ENOX2: variants seen among roughly 807,000 people sequenced by gnomAD.
The protein encoded by ENOX2 is APK1 antigen.
ENOX2 carries 36 observed loss-of-function variants against 45.0 expected under a neutral mutation model. The observed-to-expected ratio is 0.80, with a 90% CI of 0.61 to 1.06. The LOEUF (loss-of-function observed/expected upper bound fraction) is 1.06. Ranked by LOEUF, ENOX2 falls within the 50% of genes least tolerant of loss-of-function variation. ENOX2 has a pLI of 0.00. For missense variants in ENOX2, 423 were observed against 462.5 expected, an observed-to-expected ratio of 0.91 and a Z score of 0.78; for synonymous variants, 174 against 152.3, an observed-to-expected ratio of 1.14 and a Z score of -1.05.
chrX:130,819,464 G>A (rs765014460), intron 2 of ENOX2, among the ~76,000 whole-genome samples: 25 of 112,006 alleles, frequency 2.2e-4, no homozygotes, highest in Non-Finnish European at 3.9e-4. Context: ...GCAAAGACTT[G>A]GAACCAATCC....
intron 10 of ENOX2, among the ~76,000 whole-genome samples, chrX:130,655,896 C>T (rs890462349): frequency 1.2e-4 from 14 of 112,163 alleles, no homozygotes; most frequent in African/African-American, 4.5e-4. Flanking sequence ...CCTCGGCCTC[C>T]CAAAGTGCTG....
At chrX:130,659,773 G>A (rs1415330455) in intron 9 of ENOX2, among the ~76,000 whole-genome samples, 1 of 112,289 alleles carries the variant, frequency 8.9e-6, no homozygotes, top group Non-Finnish European at 1.9e-5. Context: ...AAGTTATTGT[G>A]TTTCTCAGAA....
At chrX:130,669,115 G>C (rs1400962717) in intron 7 of ENOX2, among the ~76,000 whole-genome samples, 1 of 112,207 alleles carries the variant, frequency 8.9e-6, no homozygotes, top group East Asian at 2.8e-4. Flanking sequence ...AGGGTTAGCA[G>C]TATCTTGATG....
intron 2 of ENOX2, among the ~76,000 whole-genome samples, chrX:130,837,049 C>CAT (rs1478115327): frequency 1.8e-5 from 2 of 111,749 alleles, no homozygotes; most frequent in African/African-American, 6.5e-5. Flanking sequence ...AGGGAAGAAG[C>CAT]ATATGGCAGG....
At chrX:130,762,755 GGTTT>G (rs1026642288) in intron 3 of ENOX2, among the ~76,000 whole-genome samples, 2 of 111,773 alleles carry the variant, frequency 1.8e-5, no homozygotes, top group African/African-American at 3.3e-5. Context: ...AATTTTTTGA[GGTTT>G]GTTTAATGAC....
chrX:130,820,311 CAT>C lies in ENOX2; in HGVS notation c.-182-36623_-182-36622del, dbSNP rs1402821152. Among the ~76,000 whole-genome samples, 9 of 112,286 alleles carry C rather than the reference CAT, an allele frequency of 8.0e-5. No homozygotes were observed. In the East Asian group the frequency reaches 2.5e-3, roughly 31 times the overall value. ...CTATTATCAAAAAGATGAAAGATAA[CAT>C]GTGTTAGTGAGAATCTGGAGAAAAG... On this transcript the variant is annotated intron_variant, in intron 2 of 14. Coordinates refer to ENST00000394363, the MANE Select transcript of ENOX2 (RefSeq NM_006375.4).
intron 3 of ENOX2, among the ~76,000 whole-genome samples, chrX:130,753,102 T>C (rs1305800597): frequency 1.8e-5 from 2 of 111,528 alleles, no homozygotes; most frequent in Non-Finnish European, 3.8e-5. Flanking sequence ...CCAATTTTAC[T>C]CTCTCTCTTT....
intron 2 of ENOX2, among the ~76,000 whole-genome samples, chrX:130,847,704 C>T (rs1366876623): frequency 8.9e-6 from 1 of 112,323 alleles, no homozygotes; most frequent in African/African-American, 3.2e-5. Context: ...TGCACTCCTA[C>T]GGTGAATGAT....
chrX:130,850,351 T>G (rs1450321256), intron 2 of ENOX2, among the ~76,000 whole-genome samples: 1 of 111,738 alleles, frequency 8.9e-6, no homozygotes, highest in Non-Finnish European at 1.9e-5. Flanking sequence ...AAATAAACAT[T>G]GAATAAATAA....
intron 10 of ENOX2, among the ~76,000 whole-genome samples, chrX:130,653,097 T>A (rs765634881): frequency 8.9e-6 from 1 of 111,948 alleles, no homozygotes; most frequent in Non-Finnish European, 1.9e-5. Flanking sequence ...CTTTTCTTAA[T>A]CATCTGTATC....
At chrX:130,830,158 A>C (rs1385715079) in intron 2 of ENOX2, among the ~76,000 whole-genome samples, 2 of 111,064 alleles carry the variant, frequency 1.8e-5, no homozygotes, top group Admixed American at 1.9e-4. Context: ...ATGTGAGTTG[A>C]ATTCAATTAA....
At chrX:130,633,118 T>C (rs1457300235) in intron 12 of ENOX2, among the ~76,000 whole-genome samples, 1 of 111,949 alleles carries the variant, frequency 8.9e-6, no homozygotes, top group Non-Finnish European at 1.9e-5. Context: ...GCTTATCACC[T>C]TGAATTTTAC....
At chrX:130,694,600 C>CTTTTTTTT (rs1176052103) in intron 4 of ENOX2, among the ~76,000 whole-genome samples, 1 of 86,195 alleles carries the variant, frequency 1.2e-5, no homozygotes, top group Non-Finnish European at 2.3e-5. Flanking sequence ...CTTTTCTTTT[C>CTTTTTTTT]TTTTTTTTTT....
chrX:130,816,933 T>C (rs1812648226), intron 2 of ENOX2, among the ~76,000 whole-genome samples: 1 of 109,636 alleles, frequency 9.1e-6, no homozygotes, highest in Non-Finnish European at 1.9e-5. Context: ...CTGAAGGAGA[T>C]AGAGACACAA....
intron 3 of ENOX2, among the ~76,000 whole-genome samples, chrX:130,766,392 G>A (rs2039618559): frequency 9.0e-6 from 1 of 111,591 alleles, no homozygotes; most frequent in African/African-American, 3.2e-5. Flanking sequence ...TTTTCTCTCA[G>A]TTTGTAACTT....
At chrX:130,704,091 A>G (rs1341821061) in intron 3 of ENOX2, among the ~76,000 whole-genome samples, 1 of 111,988 alleles carries the variant, frequency 8.9e-6, no homozygotes. Flanking sequence ...AAGTTTCGAA[A>G]GGTCAAATAT....
At chrX:130,874,315 G>A (rs2078653835) in intron 2 of ENOX2, among the ~76,000 whole-genome samples, 1 of 112,127 alleles carries the variant, frequency 8.9e-6, no homozygotes, top group Non-Finnish European at 1.9e-5. Flanking sequence ...AGAGTGTGAG[G>A]GAATTAGAAA....
At chrX:130,878,505 A>G in intron 2 of ENOX2, among the ~76,000 whole-genome samples, 1 of 111,180 alleles carries the variant, frequency 9.0e-6, no homozygotes, top group Non-Finnish European at 1.9e-5. Flanking sequence ...TATGCTCTTT[A>G]TTGCTCACTC....
At chrX:130,685,936 T>C (rs2037437557) in intron 5 of ENOX2, among the ~76,000 whole-genome samples, 1 of 111,938 alleles carries the variant, frequency 8.9e-6, no homozygotes, top group South Asian at 3.8e-4. Context: ...TGGTTCTATA[T>C]ATGTGACAAG....
Sources: gnomAD v4.1 joint callset for allele counts (sites outside exome capture counted in the v4.1 genomes callset) on GRCh38, gnomAD v4.1.1 for gene constraint, MANE v1.5 for transcripts, NCBI Gene and HGNC (gene_info 2026-07-23, HGNC 2026-07-21) for gene names.